Variants in PPIG observed in about 807,000 individuals in gnomAD.
PPIG encodes peptidylprolyl isomerase G.
Under a neutral mutation model 87.9 loss-of-function variants are expected in PPIG, and 26 were observed. The observed-to-expected ratio is 0.30, with a 90% CI of 0.22 to 0.41. The LOEUF is 0.41. Ranked by LOEUF, PPIG falls within the 10% of genes least tolerant of loss-of-function variation. The pLI is 1.00. For missense variants in PPIG, 722 were observed against 879.4 expected, an observed-to-expected ratio of 0.82 and a Z score of 2.26; for synonymous variants, 308 against 276.5, an observed-to-expected ratio of 1.11 and a Z score of -1.13.
rs562960827 is a variant in PPIG at position 169,587,377 on chromosome 2, G to A, written c.-70+2887G>A. Among the ~76,000 whole-genome samples the A allele has an allele frequency of 4.6e-5, 7 of 152,150 alleles. No individual in the cohort carries two copies. The South Asian group carries it at 1.5e-3, about 32-fold the overall frequency. ...CTGCCTCAGCTTCCTGAGTAGCTGGGATTACAGGCATGTGCCACCACACCC... is the reference window on the plus strand; with the variant it reads ...CTGCCTCAGCTTCCTGAGTAGCTGGAATTACAGGCATGTGCCACCACACCC... On this transcript the variant is annotated intron_variant, in intron 1 of 13. Transcript: ENST00000260970.
intron 1 of PPIG, among the ~76,000 whole-genome samples, chr2:169,588,314 T>C (rs1343969483): frequency 6.6e-6 from 1 of 152,222 alleles, no homozygotes; most frequent in Non-Finnish European, 1.5e-5. Flanking sequence ...GAATCATGGT[T>C]ATATGGTGAA....
At chr2:169,609,104 C>T (rs764308840) in intron 7 of PPIG, among the ~76,000 whole-genome samples, 12 of 150,754 alleles carry the variant, frequency 8.0e-5, no homozygotes, top group Admixed American at 4.6e-4. Flanking sequence ...AAAAAAATCC[C>T]GTTTTTGGTC....
At chr2:169,598,566 C>T (rs1178190765) in intron 1 of PPIG, among the ~76,000 whole-genome samples, 1 of 152,046 alleles carries the variant, frequency 6.6e-6, no homozygotes, top group African/African-American at 2.4e-5. Flanking sequence ...GTTGGGATTA[C>T]AGGCATGAGC....
Position 169,584,385 on chromosome 2 carries a change from G to A in PPIG, c.-175G>A, listed in dbSNP as rs187582728. The A allele has an allele frequency of 4.2e-6, 2 of 471,170 alleles. No individual in the cohort carries two copies. The highest frequency in any genetic ancestry group is 3.1e-5 in the South Asian group (2 of 64,568). The allele number at this position is 471,170 out of a possible 1,614,324, so 29.2% of individuals were successfully genotyped here. The stretch of plus-strand genomic sequence containing the variant: ...TCTCTCCATGCCAGGACTGAGTTGT[G>A]GGGGAGGGAGGCGGTTAGCGGGCTT... On this transcript the variant is annotated 5_prime_UTR_variant, in exon 1 of 14. Coordinates refer to ENST00000260970, the MANE Select transcript of PPIG (RefSeq NM_004792.3).
chr2:169,598,275 C>A (rs1013992209), intron 1 of PPIG, among the ~76,000 whole-genome samples: 11 of 152,116 alleles, frequency 7.2e-5, no homozygotes, highest in Non-Finnish European at 1.0e-4. Context: ...TAAGCCACTG[C>A]ATCTAGCCTT....
chr2:169,607,164 T>C lies in PPIG; in HGVS notation c.289+16T>C. On this transcript the variant is annotated intron_variant, in intron 6 of 13. Transcript: ENST00000260970. ...TTTTTTGAAGGTAAAAATGTTTACA[T>C]TTATATTATGTTTTAAATATTTTGT... 1 of 1,434,852 alleles carries C rather than the reference T, an allele frequency of 7.0e-7. No individual in the cohort carries two copies. The allele number at this position is 1,434,852 out of a possible 1,614,324, so 88.9% of individuals were successfully genotyped here.
At chr2:169,606,757 A>G (rs1235657734) in intron 5 of PPIG, among the ~76,000 whole-genome samples, 3 of 152,068 alleles carry the variant, frequency 2.0e-5, no homozygotes, top group Non-Finnish European at 4.4e-5. Flanking sequence ...ACTACAATAA[A>G]AATTTTTACT....
intron 9 of PPIG, among the ~76,000 whole-genome samples, chr2:169,627,112 A>C (rs1339809915): frequency 6.6e-6 from 1 of 151,826 alleles, no homozygotes; most frequent in African/African-American, 2.4e-5. Context: ...TCATTTATTT[A>C]CTTTGAGGAG....
intron 9 of PPIG, among the ~76,000 whole-genome samples, chr2:169,629,056 AC>A: frequency 2.0e-5 from 3 of 152,158 alleles, no homozygotes; most frequent in African/African-American, 7.2e-5. Context: ...TCAGCTGTTA[AC>A]CCTTTCAACT....
intron 9 of PPIG, among the ~76,000 whole-genome samples, chr2:169,618,492 T>C (rs1449533393): frequency 1.3e-5 from 2 of 152,192 alleles, no homozygotes; most frequent in African/African-American, 4.8e-5. Context: ...CTGGGCTTTT[T>C]TTGGTTGGTA....
At chr2:169,599,092 CAG>C (rs1011436443) in intron 1 of PPIG, among the ~76,000 whole-genome samples, 5 of 152,076 alleles carry the variant, frequency 3.3e-5, no homozygotes, top group East Asian at 1.9e-4. Flanking sequence ...ATTACTGAGT[CAG>C]AGAGTCTTAA....
In PPIG at chr2:169,639,595, A is replaced by G. The variant is rs982705482; in HGVS notation, c.*2072A>G. The G allele has an allele frequency of 3.3e-5, 5 of 151,998 alleles. No homozygotes were observed. Among genetic ancestry groups the G allele is most frequent in the African/African-American group, 9.7e-5 (4 of 41,412 alleles). The allele number at this position is 151,998 out of a possible 1,614,324, so 9.4% of individuals were successfully genotyped here. A position where few individuals can be genotyped will look rare whatever the true frequency, so the allele number is the denominator to read the frequency against. On this transcript the variant is annotated 3_prime_UTR_variant, in exon 14 of 14. Transcript: ENST00000260970. ...TTCTGTTTGGGTTATCAAAAGAGCAACTCCATGCTCCGCATTATTTATAGT... is the reference window on the plus strand; with the variant it reads ...TTCTGTTTGGGTTATCAAAAGAGCAGCTCCATGCTCCGCATTATTTATAGT...
chr2:169,600,435 T>C (rs1220518552), intron 1 of PPIG, among the ~76,000 whole-genome samples: 3 of 152,202 alleles, frequency 2.0e-5, no homozygotes, highest in African/African-American at 7.2e-5. Flanking sequence ...CCAAAATGCT[T>C]TGGACCATAT....
Position 169,637,778 on chromosome 2 carries a change from T to C in PPIG, c.*255T>C. On this transcript the variant is annotated 3_prime_UTR_variant, in exon 14 of 14. Coordinates refer to ENST00000260970, the MANE Select transcript of PPIG (RefSeq NM_004792.3). ...TAGTACTGTGTGCTGTGTTTAACTA[T>C]TTTATGTATGCATTACTGTGTTGCA... is the stretch of plus-strand genomic sequence containing the variant. 1 of 301,500 alleles carries C rather than the reference T, an allele frequency of 3.3e-6. No homozygotes were observed. Among genetic ancestry groups the C allele is most frequent in the Non-Finnish European group, 6.0e-6 (1 of 165,352 alleles). The allele number at this position is 301,500 out of a possible 1,614,324, so 18.7% of individuals were successfully genotyped here.
At position 169,603,061 on chromosome 2, in the gene PPIG, G is replaced by C. The variant is rs143167016; in HGVS notation, c.-69-581G>C. ...CTTGGACAATGATAATGTTTACTGA[G>C]TATTCAAGGGAATGGAGGTAGAAGA... On this transcript the variant is annotated intron_variant, in intron 1 of 13. Coordinates refer to ENST00000260970, the MANE Select transcript of PPIG (RefSeq NM_004792.3). 3.5e-3 allele frequency among the ~76,000 whole-genome samples: 537 copies of C among 152,212 alleles called. 2 individuals carry two copies. The highest frequency in any genetic ancestry group is 4.3e-3 in the Non-Finnish European group (294 of 68,014).
At chr2:169,587,529 C>G (rs762744703) in intron 1 of PPIG, among the ~76,000 whole-genome samples, 2 of 152,166 alleles carry the variant, frequency 1.3e-5, no homozygotes, top group Admixed American at 1.3e-4. Context: ...CGTGAGCCAC[C>G]GTGCCCAGAC....
At chr2:169,634,373 C>T (rs574044883) in intron 12 of PPIG, among the ~76,000 whole-genome samples, 2 of 152,188 alleles carry the variant, frequency 1.3e-5, no homozygotes, top group South Asian at 4.1e-4. Context: ...TTTACCTAAC[C>T]TTTAAATACT....
intron 9 of PPIG, among the ~76,000 whole-genome samples, chr2:169,616,852 T>C (rs1304771106): frequency 6.6e-6 from 1 of 152,202 alleles, no homozygotes; most frequent in African/African-American, 2.4e-5. Flanking sequence ...TTTAGTTTAA[T>C]TAAATCCCAT....
chr2:169,634,850 T>A (rs944606796), intron 12 of PPIG, among the ~76,000 whole-genome samples: 20 of 152,342 alleles, frequency 1.3e-4, no homozygotes, highest in African/African-American at 4.1e-4. Flanking sequence ...TCAATTTTTT[T>A]AAATCTCAGT....
Sources: allele counts gnomAD v4.1 joint callset (sites outside exome capture counted in the v4.1 genomes callset), GRCh38; gene constraint gnomAD v4.1.1; transcripts MANE v1.5; gene names NCBI Gene and HGNC (gene_info 2026-07-23, HGNC 2026-07-21).